DDN: variants seen among roughly 807,000 people sequenced by gnomAD.
DDN encodes the protein dendrin.
In DDN, 4 loss-of-function variants were observed where a neutral mutation model predicts 7.3. The observed-to-expected ratio is 0.55, with a 90% CI of 0.27 to 1.25. The LOEUF is 1.25. DDN is among the 50% of genes most tolerant of loss of function. The pLI is 0.12. For missense variants in DDN, 933 were observed against 974.7 expected (o/e 0.96, Z 0.57); for synonymous variants, 425 against 424.3 (o/e 1.00, Z -0.02).
chr12:48,997,110 AC>A lies in DDN; in HGVS notation c.1765del (p.Val589TrpfsTer88). The A allele has an allele frequency of 6.6e-7, 1 of 1,524,736 alleles. No homozygotes were observed. The highest frequency in any genetic ancestry group is 8.7e-7 in the Non-Finnish European group (1 of 1,143,166). 94.5% of individuals were successfully genotyped at this position (1,524,736 alleles called of 1,614,324 possible). A position where few individuals can be genotyped will look rare whatever the true frequency, so the allele number is the denominator to read the frequency against. Reference protein sequence around the residue: ...GAQGRAEGSEVAVVQRRAGRG... With the variant: ...GAQGRAEGSEXAVVQRRAGRG... ...GCCGGCGCGCCGCTGGACCACCGCC[AC>A]TTCCGACCCCTCGGCTCTGCCCTGG... is the stretch of plus-strand genomic sequence containing the variant. On this transcript the variant is annotated frameshift_variant, in exon 2 of 2. Transcript: ENST00000421952. LOFTEE classifies it high-confidence loss of function.
Position 48,999,147 on chromosome 12 carries a change from G to A in DDN, c.141C>T (p.Arg47=). The A allele has an allele frequency of 6.2e-7, 1 of 1,614,116 alleles. No homozygotes were observed. Among genetic ancestry groups the A allele is most frequent in the Non-Finnish European group, 8.5e-7 (1 of 1,180,008 alleles). ...CCATGGGCTGTCGAGAAGGGGCGCG[G>A]CGACTATAATGACAGGAAATAGTCT... is the stretch of plus-strand genomic sequence containing the variant. ...EVKTISCHYS[R]RAPSRQPMDF... The change falls in exon 1 of 2, where the codon CGC becomes CGT. Residue 47 remains arginine (R), a synonymous_variant. Transcript: ENST00000421952.
At chr12:48,998,993 C>A (rs555831894) in intron 1 of DDN, 86 bp downstream of exon 1, 17 of 1,432,740 alleles carry the variant, frequency 1.2e-5, no homozygotes, top group Admixed American at 5.1e-5. Context: ...GAAGGGGGAC[C>A]AGCAGTGCTC....
rs1471038858 is a variant in DDN, at chr12:48,997,795, C to T, written c.1081G>A (p.Ala361Thr). The change falls in exon 2 of 2, where the codon GCT (alanine) becomes ACT (threonine). Residue 361 changes from alanine (A) to threonine (T), a missense_variant. By Grantham distance (58) the Ala-to-Thr change is moderately conservative (BLOSUM62 0). Coordinates refer to ENST00000421952, the MANE Select transcript of DDN (RefSeq NM_015086.2). Reference sequence around the variant, plus strand: ...TTGAGGTGGTGCCTGGATCTGGGAGCGGGATGCGGGGCACAGGGAGCCGCA... The same window carrying T: ...TTGAGGTGGTGCCTGGATCTGGGAGTGGGATGCGGGGCACAGGGAGCCGCA... ...ATAAPCAPHPAPRSRHHLKGS... is the reference protein window; with the variant it reads ...ATAAPCAPHPTPRSRHHLKGS... The T allele has an allele frequency of 6.2e-7, 1 of 1,612,326 alleles. No homozygotes were observed. The highest frequency in any genetic ancestry group is 8.5e-7 in the Non-Finnish European group (1 of 1,178,830).
At position 48,996,583 on chromosome 12, in the gene DDN, C is replaced by T; in HGVS notation, c.*157G>A. 6 of 1,231,102 alleles carry T rather than the reference C, an allele frequency of 4.9e-6. No homozygotes were observed. Among genetic ancestry groups the T allele is most frequent in the Non-Finnish European group, 6.6e-6 (6 of 912,862 alleles). The allele number at this position is 1,231,102 out of a possible 1,614,324, so 76.3% of individuals were successfully genotyped here. On this transcript the variant is annotated 3_prime_UTR_variant, in exon 2 of 2. Transcript: ENST00000421952. ...CTCCTGAAACAAAATCATTAATGGG[C>T]ATATGCTTCCCTTCCTTTCATTTAT...
In DDN at chr12:48,999,262, T is replaced by A; in HGVS notation, c.26A>T (p.Glu9Val). The A allele has an allele frequency of 1.3e-6, 2 of 1,554,504 alleles. No individual in the cohort carries two copies. The highest frequency in any genetic ancestry group is 1.7e-6 in the Non-Finnish European group (2 of 1,148,962). The part of the protein sequence containing the change: MLDGPLFS[E>V]GPDSPRELQD... Reference sequence around the variant, plus strand: ...GAGCTCCCGGGGGCTGTCAGGCCCCTCGGAGAACAGTGGGCCATCCAGCAT... The same window carrying A: ...GAGCTCCCGGGGGCTGTCAGGCCCCACGGAGAACAGTGGGCCATCCAGCAT... Residue 9 changes from glutamate (E) to valine (V), a missense_variant, in exon 1 of 2, where the codon GAG (glutamate) becomes GTG (valine). By Grantham distance (121) the Glu-to-Val change is moderately radical. Transcript: ENST00000421952.
chr12:48,997,009 CT>C lies in DDN; in HGVS notation c.1866del (p.Ala623ProfsTer54). 6.4e-7 allele frequency: 1 copy of C among 1,568,494 alleles called. No homozygotes were observed. The highest frequency in any genetic ancestry group is 8.6e-7 in the Non-Finnish European group (1 of 1,157,540). On this transcript the variant is annotated frameshift_variant, in exon 2 of 2. Coordinates refer to ENST00000421952, the MANE Select transcript of DDN (RefSeq NM_015086.2). LOFTEE classifies it low-confidence loss of function (END_TRUNC). ...REAVSRIRRH[T>X]APDSDTDEAE... ...GCTTCGTCCGTGTCCGAGTCAGGGG[CT>C]GTGTGGCGGCGGATACGGGACACGG...
At position 48,997,840 on chromosome 12, in the gene DDN, C is replaced by A. The variant is rs760922934; in HGVS notation, c.1036G>T (p.Ala346Ser). 6.8e-6 allele frequency: 11 copies of A among 1,613,832 alleles called. No homozygotes were observed. Among genetic ancestry groups the A allele is most frequent in the Non-Finnish European group, 8.5e-6 (10 of 1,180,016 alleles). Residue 346 changes from alanine to serine, a missense_variant, in exon 2 of 2, where the codon GCT (alanine) becomes TCT (serine). Coordinates refer to ENST00000421952, the MANE Select transcript of DDN (RefSeq NM_015086.2). Reference sequence around the variant, plus strand: ...GCCGCAGTTGCAGACCCCGCAGGAGCTATCTCGGTGCCTGCGCTCCCTGTA... The same window carrying A: ...GCCGCAGTTGCAGACCCCGCAGGAGATATCTCGGTGCCTGCGCTCCCTGTA... ...KATGSAGTEI[A>S]PAGSATAAPC... is the part of the protein sequence containing the mutation.
Position 48,998,277 on chromosome 12 carries a change from G to A in DDN, c.599C>T (p.Pro200Leu), listed in dbSNP as rs1941244522. 2 of 1,604,406 alleles carry A rather than the reference G, an allele frequency of 1.2e-6. No individual in the cohort carries two copies. Among genetic ancestry groups the A allele is most frequent in the Non-Finnish European group, 1.7e-6 (2 of 1,176,506 alleles). The part of the protein sequence containing the change: ...AGPWGGRRPG[P>L]PSYEAHLLLR... Reference sequence around the variant, plus strand: ...CAGCAGGTGAGCCTCGTAGCTTGGGGGCCCGGGCCGCCGACCTCCCCAGGG... The same window carrying A: ...CAGCAGGTGAGCCTCGTAGCTTGGGAGCCCGGGCCGCCGACCTCCCCAGGG... The change falls in exon 2 of 2, where the codon CCC (proline) becomes CTC (leucine). Residue 200 changes from proline (P) to leucine (L), a missense_variant. Pro to Leu is a moderately conservative substitution (Grantham distance 98, BLOSUM62 -3). Transcript: ENST00000421952.
At position 48,998,438 on chromosome 12, in the gene DDN, C is replaced by T. The variant is rs932439303; in HGVS notation, c.438G>A (p.Glu146=). Residue 146 remains glutamate (E), a synonymous_variant, in exon 2 of 2, where the codon GAG becomes GAA. Transcript: ENST00000421952. The stretch of plus-strand genomic sequence containing the variant: ...GGGCCACCCGAGGGGCGTTGCGGGG[C>T]TCCGGGCGGGGTCGACCCGGGGGGC... ...RRSPPGRPRP[E]PRNAPRVAQL... 5.3e-6 allele frequency: 8 copies of T among 1,522,958 alleles called. No homozygotes were observed. In the African/African-American group the frequency reaches 1.0e-4, roughly 19 times the overall value. The allele number at this position is 1,522,958 out of a possible 1,614,324, so 94.3% of individuals were successfully genotyped here.
At position 48,999,125 on chromosome 12, in the gene DDN, T is replaced by C. The variant is rs774638950; in HGVS notation, c.163A>G (p.Met55Val). 3 of 1,614,036 alleles carry C rather than the reference T, an allele frequency of 1.9e-6. No individual in the cohort carries two copies. In the South Asian group the frequency reaches 3.3e-5, roughly 18 times the overall value. Residue 55 changes from methionine to valine, a missense_variant, in exon 1 of 2, where the codon ATG becomes GTG. Met to Val is a conservative substitution (Grantham distance 21, BLOSUM62 1). Coordinates refer to ENST00000421952, the MANE Select transcript of DDN (RefSeq NM_015086.2). ...GCCCAGTGGCTGGCCTGGAAGTCCA[T>C]GGGCTGTCGAGAAGGGGCGCGGCGA... ...YSRRAPSRQP[M>V]DFQASHWARG...
At position 48,999,291 on chromosome 12, in the gene DDN, G is replaced by GCCCCCCCCCCCCCCCCCCCCCCCC; in HGVS notation, c.-5_-4insGGGGGGGGGGGGGGGGGGGGGGGG. Reference sequence around the variant, plus strand: ...AGAACAGTGGGCCATCCAGCATCCTGCCCCACCCCACCCCGGCCCCCCACC... The same window carrying GCCCCCCCCCCCCCCCCCCCCCCCC: ...AGAACAGTGGGCCATCCAGCATCCTGCCCCCCCCCCCCCCCCCCCCCCCCCCCCACCCCACCCCGGCCCCCCACC... On this transcript the variant is annotated 5_prime_UTR_variant, in exon 1 of 2. Coordinates refer to ENST00000421952, the MANE Select transcript of DDN (RefSeq NM_015086.2). 6.6e-7 allele frequency: 1 copy of GCCCCCCCCCCCCCCCCCCCCCCCC among 1,510,112 alleles called. No homozygotes were observed. Among genetic ancestry groups the GCCCCCCCCCCCCCCCCCCCCCCCC allele is most frequent in the East Asian group, 2.5e-5 (1 of 39,412 alleles). 93.5% of individuals were successfully genotyped at this position (1,510,112 alleles called of 1,614,324 possible).
chr12:48,997,301 C>T lies in DDN; in HGVS notation c.1575G>A (p.Gly525=). ...SSSRLLHQPG[G]GRGGEAEGGR... ...CGCCCTCAGCTTCGCCCCCGCGGCC[C>T]CCGCCGGGCTGGTGTAAAAGGCGAC... The change falls in exon 2 of 2, where the codon GGG becomes GGA. Residue 525 remains glycine, a synonymous_variant. Transcript: ENST00000421952. The T allele has an allele frequency of 3.1e-6, 5 of 1,609,326 alleles. No individual in the cohort carries two copies. Among genetic ancestry groups the T allele is most frequent in the Non-Finnish European group, 4.2e-6 (5 of 1,178,390 alleles).
rs1325188953 is a variant in DDN at position 48,998,426 on chromosome 12, G to A, written c.450C>T (p.Ala150=). 2.0e-6 allele frequency: 3 copies of A among 1,513,508 alleles called. No individual in the cohort carries two copies. In the East Asian group the frequency reaches 7.8e-5, roughly 39 times the overall value. The allele number at this position is 1,513,508 out of a possible 1,614,324, so 93.8% of individuals were successfully genotyped here. The change falls in exon 2 of 2, where the codon GCC becomes GCT. Residue 150 remains alanine (A), a synonymous_variant. Transcript: ENST00000421952. ...GCCCTGCCAGCTGGGCCACCCGAGG[G>A]GCGTTGCGGGGCTCCGGGCGGGGTC... ...PGRPRPEPRN[A]PRVAQLAGLP...
intron 1 of DDN, 57 bp from the exon 2 acceptor site, chr12:48,998,723 C>T: frequency 2.1e-6 from 3 of 1,436,086 alleles, no homozygotes; most frequent in Admixed American, 5.7e-5. Context: ...GAGCCGAGGT[C>T]CGGGGAGCTG....
Position 48,998,369 on chromosome 12 carries a change from C to G in DDN, c.507G>C (p.Ala169=), listed in dbSNP as rs970602286. Residue 169 remains alanine, a synonymous_variant, in exon 2 of 2, where the codon GCG becomes GCC. Transcript: ENST00000421952. ...LPAPLRPERL[A]PVGRAPRPSA... ...ATGGACGGGGCGCTCGCCCCACAGG[C>G]GCCAGGCGCTCCGGCCGCAAGGGAG... 5 of 1,497,084 alleles carry G rather than the reference C, an allele frequency of 3.3e-6. No homozygotes were observed. In the South Asian group the frequency reaches 3.8e-5, roughly 11 times the overall value. 92.7% of individuals were successfully genotyped at this position (1,497,084 alleles called of 1,614,324 possible). A position where few individuals can be genotyped will look rare whatever the true frequency, so the allele number is the denominator to read the frequency against.
At position 48,998,357 on chromosome 12, in the gene DDN, T is replaced by C. The variant is rs1278972555; in HGVS notation, c.519A>G (p.Arg173=). ...GCGGCTGCGCGGATGGACGGGGCGCTCGCCCCACAGGCGCCAGGCGCTCCG... is the reference window on the plus strand; with the variant it reads ...GCGGCTGCGCGGATGGACGGGGCGCCCGCCCCACAGGCGCCAGGCGCTCCG... ...LRPERLAPVG[R]APRPSAQPQS... Residue 173 remains arginine, a synonymous_variant, in exon 2 of 2, where the codon CGA becomes CGG. Transcript: ENST00000421952. 8 of 1,511,044 alleles carry C rather than the reference T, an allele frequency of 5.3e-6. No homozygotes were observed. The highest frequency in any genetic ancestry group is 2.2e-5 in the Admixed American group (1 of 45,958). The allele number at this position is 1,511,044 out of a possible 1,614,324, so 93.6% of individuals were successfully genotyped here. A position where few individuals can be genotyped will look rare whatever the true frequency, so the allele number is the denominator to read the frequency against.
In DDN at chr12:48,997,988, TC is replaced by T; in HGVS notation, c.887del (p.Gly296AspfsTer30). The T allele has an allele frequency of 6.2e-7, 1 of 1,613,054 alleles. No individual in the cohort carries two copies. ...GLRQGQGLLG[G>X]SPGCGAARAR... The stretch of plus-strand genomic sequence containing the variant: ...CTCTGGCCGCTCCACAGCCTGGGGA[TC>T]CCCCCAAGAGACCTTGCCCCTGTCG... On this transcript the variant is annotated frameshift_variant, in exon 2 of 2. Coordinates refer to ENST00000421952, the MANE Select transcript of DDN (RefSeq NM_015086.2). LOFTEE classifies it low-confidence loss of function (END_TRUNC).
intron 1 of DDN, among the ~76,000 whole-genome samples, 200 bp from the exon 2 acceptor site, chr12:48,998,866 G>T (rs985811361): frequency 5.3e-5 from 8 of 152,200 alleles, no homozygotes; most frequent in African/African-American, 1.9e-4. Context: ...CACTTTAACA[G>T]CGTCTGCCCC....
rs1309043011 is a variant in DDN at position 48,996,117 on chromosome 12, C to CA, written c.*622dup. 6.6e-6 allele frequency: 1 copy of CA among 152,286 alleles called. No individual in the cohort carries two copies. Among genetic ancestry groups the CA allele is most frequent in the Non-Finnish European group, 1.5e-5 (1 of 68,104 alleles). The allele number at this position is 152,286 out of a possible 1,614,324, so 9.4% of individuals were successfully genotyped here. A position where few individuals can be genotyped will look rare whatever the true frequency, so the allele number is the denominator to read the frequency against. On this transcript the variant is annotated 3_prime_UTR_variant, in exon 2 of 2. Transcript: ENST00000421952. Reference sequence around the variant, plus strand: ...GTCCTTTCCAAAGATCTCAAAATGTCAGAGACGGAAGGATGGACCTTAGAA... The same window carrying CA: ...GTCCTTTCCAAAGATCTCAAAATGTCAAGAGACGGAAGGATGGACCTTAGAA...
Sources: allele counts gnomAD v4.1 joint callset (sites outside exome capture counted in the v4.1 genomes callset), GRCh38; gene constraint gnomAD v4.1.1; transcripts MANE v1.5; gene names NCBI Gene and HGNC (gene_info 2026-07-23, HGNC 2026-07-21).